ZGRF1: variants seen among roughly 807,000 people sequenced by gnomAD.
ZGRF1 encodes zinc finger GRF-type containing 1.
A neutral mutation model predicts 203.5 loss-of-function variants in ZGRF1; 196 were observed. That is an observed-to-expected ratio of 0.96 (90% confidence interval 0.86 to 1.08). The LOEUF (loss-of-function observed/expected upper bound fraction) is 1.08. ZGRF1 is among the 50% of genes least tolerant of loss of function. The pLI, the probability that ZGRF1 is intolerant of heterozygous loss-of-function variation, is 0.00. For synonymous variants in ZGRF1, 809 were observed against 841.3 expected (o/e 0.96, Z 0.66); for missense variants, 2,326 against 2,416.3 (o/e 0.96, Z 0.78).
chr4:112,606,230 A>G, intron 8 of ZGRF1, 139 bp from the exon 9 acceptor site: 1 of 601,860 alleles, frequency 1.7e-6, no homozygotes, highest in Admixed American at 3.4e-5. Flanking sequence ...GCTTCTGTCT[A>G]CACACACATA....
In ZGRF1 at chr4:112,623,873, T is replaced by C. The variant is rs1335101098; in HGVS notation, c.106A>G (p.Ile36Val). The stretch of plus-strand genomic sequence containing the variant: ...CATGCTCCTTTGTCATCATATAAAA[T>C]TGCCTGTATGAAAACAAAATAAATG... The part of the protein sequence containing the change: ...LKITHLGNKA[I>V]LYDDKGACLE... The change falls in exon 4 of 28, where the codon ATT becomes GTT. Residue 36 changes from isoleucine to valine, a missense_variant. Physicochemically the swap from Ile to Val is conservative, Grantham distance 29. Coordinates refer to ENST00000505019, the MANE Select transcript of ZGRF1 (RefSeq NM_018392.5). The C allele has an allele frequency of 5.7e-6, 9 of 1,565,300 alleles. No homozygotes were observed. The highest frequency in any genetic ancestry group is 1.7e-5 in the Admixed American group (1 of 57,880).
At chr4:112,564,643 C>A (rs1332669292) in intron 16 of ZGRF1, among the ~76,000 whole-genome samples, 1 of 151,568 alleles carries the variant, frequency 6.6e-6, no homozygotes, top group African/African-American at 2.4e-5. Flanking sequence ...TTTCTTTATA[C>A]CTTCATTTTT....
At chr4:112,589,213 AT>A (rs1211873497) in intron 11 of ZGRF1, among the ~76,000 whole-genome samples, 2 of 152,176 alleles carry the variant, frequency 1.3e-5, no homozygotes, top group Middle Eastern at 3.2e-3. Flanking sequence ...ATAGTATTAT[AT>A]TCATCAAGAA....
Position 112,548,273 on chromosome 4 carries a change from G to C in ZGRF1, c.5454C>G (p.Ala1818=). 1 of 1,552,172 alleles carries C rather than the reference G, an allele frequency of 6.4e-7. No individual in the cohort carries two copies. The change falls in exon 23 of 28, where the codon GCC becomes GCG. Residue 1818 remains alanine (A), a synonymous_variant. Coordinates refer to ENST00000505019, the MANE Select transcript of ZGRF1 (RefSeq NM_018392.5). ...LDECSQITEP[A]SLLPIARFEC... ...GTTACCTTGCAATGGGAAGGAGAGA[G>C]GCCGGTTCAGTTATCTGACTACACT...
Position 112,618,232 on chromosome 4 carries a change from G to A in ZGRF1, c.1810C>T (p.Pro604Ser). ...SVSDKPTVTF[P>S]VKETLPSQFC... ...TGTGATGGCAGAGTCTCTTTAACAG[G>A]AAATGTCACTGTAGGTTTGTCACTA... Residue 604 changes from proline to serine, a missense_variant, in exon 6 of 28, where the codon CCT becomes TCT. Pro to Ser is a moderately conservative substitution (Grantham distance 74, BLOSUM62 -1). Transcript: ENST00000505019. The A allele has an allele frequency of 6.2e-7, 1 of 1,613,894 alleles. No individual in the cohort carries two copies. Among genetic ancestry groups the A allele is most frequent in the Non-Finnish European group, 8.5e-7 (1 of 1,179,920 alleles).
rs1410804732 is a variant in ZGRF1 at position 112,540,073 on chromosome 4, C to A, written c.5962G>T (p.Val1988Leu). The change falls in exon 27 of 28, where the codon GTG (valine) becomes TTG (leucine). Residue 1988 changes from valine (V) to leucine (L), a missense_variant. Val to Leu is a conservative substitution (Grantham distance 32). Coordinates refer to ENST00000505019, the MANE Select transcript of ZGRF1 (RefSeq NM_018392.5). ...VDFHHPDIKT[V>L]QVSTVDAFQG... ...AAAGCATCTACTGTGGACACCTGCA[C>A]AGTTTTAATATCAGGATGGTGAAAG... The A allele has an allele frequency of 1.2e-6, 2 of 1,600,904 alleles. No homozygotes were observed. The highest frequency in any genetic ancestry group is 1.7e-5 in the Admixed American group (1 of 57,462).
chr4:112,592,096 C>CTTTTTTTTTTTTT, intron 10 of ZGRF1, among the ~76,000 whole-genome samples: 1 of 128,570 alleles, frequency 7.8e-6, no homozygotes, highest in Non-Finnish European at 1.7e-5. Flanking sequence ...CTCATTCATT[C>CTTTTTTTTTTTTT]TTTTTTTTTT....
chr4:112,581,713 T>C lies in ZGRF1; in HGVS notation c.4388A>G (p.Lys1463Arg), dbSNP rs773312849. The C allele has an allele frequency of 6.0e-5, 95 of 1,582,152 alleles. No homozygotes were observed. Among genetic ancestry groups the C allele is most frequent in the Non-Finnish European group, 8.0e-5 (94 of 1,168,322 alleles). ...NPEFYNEPKT[K>R]LYLKLSRKER... ...CTTCCGACTTAGCTTAAGATAAAGT[T>C]TGGTTTTTGGTTCATTATAAAACTC... Residue 1463 changes from lysine (K) to arginine (R), a missense_variant, in exon 16 of 28, where the codon AAA becomes AGA. By Grantham distance (26) the Lys-to-Arg change is conservative. Coordinates refer to ENST00000505019, the MANE Select transcript of ZGRF1 (RefSeq NM_018392.5).
At chr4:112,594,746 C>A (rs1333133951) in intron 10 of ZGRF1, among the ~76,000 whole-genome samples, 1 of 151,946 alleles carries the variant, frequency 6.6e-6, no homozygotes, top group Admixed American at 6.6e-5. Flanking sequence ...AGCCACCACG[C>A]CTGGCCTAAT....
At chr4:112,549,113 C>CAAAAAAAAAAAAAAAAAAAA (rs771730607) in intron 22 of ZGRF1, among the ~76,000 whole-genome samples, 2 of 16,812 alleles carry the variant, frequency 1.2e-4, no homozygotes, top group Non-Finnish European at 2.1e-4. Flanking sequence ...GACTCCGTCT[C>CAAAAAAAAAAAAAAAAAAAA]AAAAAAAAAA....
At chr4:112,589,949 A>G (rs1322956035) in intron 10 of ZGRF1, 75 bp from the exon 11 acceptor site, 3 of 1,037,022 alleles carry the variant, frequency 2.9e-6, no homozygotes, top group African/African-American at 1.6e-5. Context: ...GAATTCTAGT[A>G]ATCTATATTA....
At chr4:112,568,258 T>C (rs957226307) in intron 16 of ZGRF1, among the ~76,000 whole-genome samples, 5 of 152,082 alleles carry the variant, frequency 3.3e-5, no homozygotes, top group African/African-American at 1.2e-4. Context: ...AAAAAAAAGA[T>C]GATGAACTTT....
Position 112,577,218 on chromosome 4 carries a change from A to G in ZGRF1, c.4438+4445T>C, listed in dbSNP as rs1218807658. Reference sequence around the variant, plus strand: ...AGGAGAAATAAAATCCTTTACAGACAAGCAAATGCTGAGAGATTTTGTCAC... The same window carrying G: ...AGGAGAAATAAAATCCTTTACAGACGAGCAAATGCTGAGAGATTTTGTCAC... On this transcript the variant is annotated intron_variant, in intron 16 of 27. Coordinates refer to ENST00000505019, the MANE Select transcript of ZGRF1 (RefSeq NM_018392.5). Among the ~76,000 whole-genome samples the G allele has an allele frequency of 1.6e-5, 2 of 122,448 alleles. 1 individual carries two copies. The highest frequency in any genetic ancestry group is 4.8e-4 in the East Asian group (2 of 4,180). The allele number at this position is 122,448 out of a possible 152,430, so 80.3% of individuals were successfully genotyped here.
Position 112,631,980 on chromosome 4 carries a change from ACTT to A in ZGRF1, c.49_51del (p.Lys17del). On this transcript the variant is annotated inframe_deletion, in exon 3 of 28. Transcript: ENST00000505019. Reference sequence around the variant, plus strand: ...AGAATTCCATCTTGCCACACTTTTGACTTCTTCATCTTTTGATGAGTATATAGA... The same window carrying A: ...AGAATTCCATCTTGCCACACTTTTGACTTCATCTTTTGATGAGTATATAGA... 1.3e-6 allele frequency: 2 copies of A among 1,593,794 alleles called. No individual in the cohort carries two copies. The highest frequency in any genetic ancestry group is 1.7e-6 in the Non-Finnish European group (2 of 1,169,788).
chr4:112,556,171 G>A (rs1740908733), intron 20 of ZGRF1, among the ~76,000 whole-genome samples: 1 of 151,860 alleles, frequency 6.6e-6, no homozygotes, highest in African/African-American at 2.4e-5. Flanking sequence ...AATTTGAAAA[G>A]TATATTTAGA....
chr4:112,576,245 C>A (rs1328634493), intron 16 of ZGRF1, among the ~76,000 whole-genome samples: 2 of 152,178 alleles, frequency 1.3e-5, no homozygotes, highest in African/African-American at 4.8e-5. Flanking sequence ...AATTAACAAA[C>A]AGAAAGGACA....
At chr4:112,574,953 G>A (rs1744873367) in intron 16 of ZGRF1, among the ~76,000 whole-genome samples, 1 of 151,548 alleles carries the variant, frequency 6.6e-6, no homozygotes, top group Non-Finnish European at 1.5e-5. Flanking sequence ...TTGAACCCAG[G>A]AGGCAGAGAC....
At chr4:112,561,351 G>A (rs1045058989) in intron 18 of ZGRF1, 27 of 211,148 alleles carry the variant, frequency 1.3e-4, no homozygotes, top group African/African-American at 5.3e-4. Flanking sequence ...ATAAGTGGCG[G>A]ACTGACTTTA....
intron 22 of ZGRF1, 56 bp downstream of exon 22, chr4:112,553,774 AATAAG>A: frequency 2.8e-6 from 4 of 1,408,862 alleles, no homozygotes; most frequent in Middle Eastern, 1.8e-4. Context: ...CATCAACAGA[AATAAG>A]AGAATCTGAA....
Sources: gnomAD v4.1 joint callset for allele counts (sites outside exome capture counted in the v4.1 genomes callset) on GRCh38, gnomAD v4.1.1 for gene constraint, MANE v1.5 for transcripts, NCBI Gene and HGNC (gene_info 2026-07-23, HGNC 2026-07-21) for gene names.